The following RGS20 variants were observed in gnomAD, a reference collection of about 807,000 sequenced individuals.
The protein encoded by RGS20 is gz-selective GTPase-activating protein.
In RGS20, 30 loss-of-function variants were observed where a neutral mutation model predicts 33.6. The ratio of observed to expected loss-of-function variants is 0.89; its 90% CI spans 0.67 to 1.21. The LOEUF (loss-of-function observed/expected upper bound fraction) is 1.21, where lower values mean the gene tolerates loss of function less well. Among genes scored for constraint, RGS20 ranks in the 50% most tolerant of loss-of-function variants. The pLI is 0.00. For synonymous variants in RGS20, 208 were observed against 197.9 expected (o/e 1.05, Z -0.43); for missense variants, 472 against 502.4 (o/e 0.94, Z 0.58).
intron 2 of RGS20, among the ~76,000 whole-genome samples, chr8:53,905,005 T>A (rs1301307501): frequency 6.6e-6 from 1 of 152,188 alleles, no homozygotes; most frequent in African/African-American, 2.4e-5. Context: ...TAAAACCTCC[T>A]GGGGCTTACA....
intron 3 of RGS20, 172 bp from the exon 3 acceptor site, chr8:53,946,493 T>C: frequency 2.8e-6 from 2 of 715,120 alleles, no homozygotes; most frequent in Non-Finnish European, 5.1e-6. Context: ...TAGTACCTTA[T>C]TGTCACACTT....
At chr8:53,912,406 C>T (rs867834924) in intron 2 of RGS20, among the ~76,000 whole-genome samples, 21 of 149,430 alleles carry the variant, frequency 1.4e-4, no homozygotes, top group African/African-American at 3.5e-4. Context: ...AAAAAGATAC[C>T]TGGTTTTAAT....
rs1247016928 is a variant in RGS20, at chr8:53,877,755, CA to C, written c.166-1500del. Among the ~76,000 whole-genome samples, 1 of 152,100 alleles carries C rather than the reference CA, an allele frequency of 6.6e-6. No individual in the cohort carries two copies. The highest frequency in any genetic ancestry group is 1.5e-5 in the Non-Finnish European group (1 of 68,032). On this transcript the variant is annotated intron_variant, in intron 1 of 5. Transcript: ENST00000297313. This position sits in a 1 kb window ranked among gnomAD's most constrained non-coding sequence, Gnocchi z 5.7. ...AACAGTGTGAACTTACTCGGAAATG[CA>C]AACCGAGTTCAACTCACCCAGGAGC...
chr8:53,876,584 C>G (rs1812214712), intron 1 of RGS20: 1 of 152,366 alleles, frequency 6.6e-6, no homozygotes, highest in Admixed American at 6.5e-5. Context: ...CTGCAGATAA[C>G]TTTTCTCAGA....
At chr8:53,903,016 C>T (rs193282023) in intron 2 of RGS20, among the ~76,000 whole-genome samples, 24 of 152,234 alleles carry the variant, frequency 1.6e-4, no homozygotes, top group African/African-American at 5.3e-4. Flanking sequence ...GTGAGCCACC[C>T]GTGCCCAGCC....
chr8:53,940,049 C>T (rs867137276), intron 3 of RGS20, among the ~76,000 whole-genome samples: 24 of 152,148 alleles, frequency 1.6e-4, no homozygotes, highest in African/African-American at 5.3e-4. Flanking sequence ...CGAGGCACTC[C>T]TGTGGTAATG....
chr8:53,957,409 AAC>A (rs1241380448), intron 5 of RGS20, among the ~76,000 whole-genome samples: 1 of 152,226 alleles, frequency 6.6e-6, no homozygotes, highest in African/African-American at 2.4e-5. Flanking sequence ...CTGGAATTTA[AAC>A]ACAGGCATTG....
intron 5 of RGS20, among the ~76,000 whole-genome samples, chr8:53,956,588 CAT>C (rs1814869395): frequency 6.6e-6 from 1 of 152,146 alleles, no homozygotes; most frequent in South Asian, 2.1e-4. Flanking sequence ...AAATGACTCC[CAT>C]ATGTCTGGTG....
At chr8:53,904,306 A>G (rs1813108261) in intron 2 of RGS20, among the ~76,000 whole-genome samples, 1 of 151,856 alleles carries the variant, frequency 6.6e-6, no homozygotes, top group African/African-American at 2.4e-5. Context: ...TAATTTTTAT[A>G]TTTTTAGTAG....
chr8:53,873,336 T>C (rs948221937), intron 1 of RGS20, among the ~76,000 whole-genome samples: 1 of 152,202 alleles, frequency 6.6e-6, no homozygotes, highest in Non-Finnish European at 1.5e-5. Flanking sequence ...AATGCAAGAA[T>C]GGCCTGATAC....
chr8:53,906,308 G>A (rs1012093480), intron 2 of RGS20, among the ~76,000 whole-genome samples: 1 of 152,006 alleles, frequency 6.6e-6, no homozygotes, highest in African/African-American at 2.4e-5. Flanking sequence ...CCCGGGAGGT[G>A]GAGGTTGCAG....
At chr8:53,907,097 C>T (rs1286659557) in intron 2 of RGS20, among the ~76,000 whole-genome samples, 5 of 152,122 alleles carry the variant, frequency 3.3e-5, no homozygotes, top group Admixed American at 6.6e-5. Context: ...TGTAGCATAT[C>T]GTAACAAAAA....
intron 2 of RGS20, among the ~76,000 whole-genome samples, chr8:53,910,901 GTAA>G (rs1247667570): frequency 6.6e-6 from 1 of 152,112 alleles, no homozygotes; most frequent in Admixed American, 6.5e-5. Flanking sequence ...AATCTACAAA[GTAA>G]TAATATACCT....
chr8:53,922,110 A>T (rs1813665285), intron 2 of RGS20, among the ~76,000 whole-genome samples: 1 of 151,940 alleles, frequency 6.6e-6, no homozygotes, highest in South Asian at 2.1e-4. Flanking sequence ...ATTGAACTTT[A>T]TTACTGTTAT....
chr8:53,890,647 T>C (rs148674979), intron 2 of RGS20, among the ~76,000 whole-genome samples: 17 of 152,264 alleles, frequency 1.1e-4, no homozygotes, highest in African/African-American at 3.9e-4. Flanking sequence ...TTGGGGGTTT[T>C]TTTGTTTTGA....
chr8:53,879,158 C>T, intron 1 of RGS20: 2 of 968,456 alleles, frequency 2.1e-6, no homozygotes, highest in South Asian at 3.0e-5. Flanking sequence ...TCTTGCACCC[C>T]CAAAGTAACG....
rs111556155 is a variant in RGS20, at chr8:53,877,332, C to A, written c.166-1926C>A. Among the ~76,000 whole-genome samples, 2 of 152,244 alleles carry A rather than the reference C, an allele frequency of 1.3e-5. No individual in the cohort carries two copies. The highest frequency in any genetic ancestry group is 4.8e-5 in the African/African-American group (2 of 41,564). ...CCGAAGTTCCCGCCCTCGCCGAGGGCCCTCGCTCCGGAGTGGGGCGCAGAC... is the reference window on the plus strand; with the variant it reads ...CCGAAGTTCCCGCCCTCGCCGAGGGACCTCGCTCCGGAGTGGGGCGCAGAC... On this transcript the variant is annotated intron_variant, in intron 1 of 5. Transcript: ENST00000297313. The surrounding 1 kb of genome is among the most constrained non-coding windows in gnomAD (Gnocchi z 5.7).
intron 4 of RGS20, among the ~76,000 whole-genome samples, chr8:53,948,122 GTA>G (rs1040497477): frequency 6.2e-5 from 8 of 128,842 alleles, no homozygotes; most frequent in East Asian, 2.2e-4. Flanking sequence ...ATAAGATGTA[GTA>G]TATATATGCT....
intron 5 of RGS20, among the ~76,000 whole-genome samples, chr8:53,957,934 G>A (rs1446372963): frequency 1.3e-5 from 2 of 152,086 alleles, no homozygotes; most frequent in Admixed American, 6.6e-5. Flanking sequence ...ATAACCTGAG[G>A]TCAGGAGTTC....
Sources: gnomAD v4.1 joint callset for allele counts (sites outside exome capture counted in the v4.1 genomes callset) on GRCh38, gnomAD v4.1.1 for gene constraint, Gnocchi (gnomAD v3.1) non-coding constraint, MANE v1.5 for transcripts, NCBI Gene and HGNC (gene_info 2026-07-23, HGNC 2026-07-21) for gene names.